The following ABCC1 variants were observed in gnomAD, a reference collection of about 807,000 sequenced individuals.
ABCC1 encodes ATP binding cassette subfamily C member 1 (ABCC1 blood group), also known as multidrug resistance-associated protein 1.
In ABCC1, 83 loss-of-function variants were observed where a neutral mutation model predicts 172.9. The ratio of observed to expected loss-of-function variants is 0.48; its 90% confidence interval spans 0.40 to 0.58. The LOEUF (loss-of-function observed/expected upper bound fraction) is 0.58. ABCC1 is among the 20% of genes least tolerant of loss of function. The pLI is 0.00. For missense variants in ABCC1, 1,817 were observed against 2,002.7 expected (o/e 0.91, Z 1.77); for synonymous variants, 937 against 825.2 (o/e 1.14, Z -2.32).
intron 12 of ABCC1, among the ~76,000 whole-genome samples, chr16:16,063,638 CTT>C (rs1273775937): frequency 6.6e-6 from 1 of 152,072 alleles, no homozygotes; most frequent in Non-Finnish European, 1.5e-5. Context: ...TAGAAAAAGA[CTT>C]TTAAGCATGA....
At chr16:16,089,880 CAAAA>C (rs5815856) in intron 18 of ABCC1, among the ~76,000 whole-genome samples, 2 of 104,324 alleles carry the variant, frequency 1.9e-5, no homozygotes, top group Non-Finnish European at 2.1e-5. Context: ...AACTCTGTCT[CAAAA>C]AAAAAAAAAA....
At chr16:16,112,440 C>T (rs543715520) in intron 22 of ABCC1, among the ~76,000 whole-genome samples, 2 of 151,902 alleles carry the variant, frequency 1.3e-5, no homozygotes, top group East Asian at 3.9e-4. Flanking sequence ...AATGCAGCAG[C>T]GTTGATATTA....
chr16:16,076,175 G>T, intron 14 of ABCC1, 151 bp from the exon 15 acceptor site: 1 of 718,448 alleles, frequency 1.4e-6, no homozygotes, highest in Admixed American at 3.2e-5. Context: ...TCTTCTTTCA[G>T]AACCCGTGGC....
rs756498834 is a variant in ABCC1 at position 16,076,335 on chromosome 16, C to T, written c.1922C>T (p.Thr641Met). 35 of 1,612,212 alleles carry T rather than the reference C, an allele frequency of 2.2e-5. No homozygotes were observed. Among genetic ancestry groups the T allele is most frequent in the East Asian group, 1.1e-4 (5 of 44,786 alleles). The change falls in exon 15 of 31, where the codon ACG becomes ATG. Residue 641 changes from threonine (T) to methionine (M), a missense_variant. Physicochemically the swap from Thr to Met is moderately conservative, Grantham distance 81. Around this residue, in one of 3 missense-constraint regions of ABCC1, gnomAD observed 1,412 missense variants for 1,600.3 expected, o/e 0.88. Transcript: ENST00000399410. ...ERRPVKDGGG[T>M]NSITVRNATF... ...TCTCTGTGCTTTGTAGGCGGGGGCACGAACAGCATCACCGTGAGGAATGCC... is the reference window on the plus strand; with the variant it reads ...TCTCTGTGCTTTGTAGGCGGGGGCATGAACAGCATCACCGTGAGGAATGCC...
chr16:15,971,463 T>C (rs1054461654), intron 1 of ABCC1, among the ~76,000 whole-genome samples: 1 of 152,214 alleles, frequency 6.6e-6, no homozygotes, highest in Non-Finnish European at 1.5e-5. Flanking sequence ...CAAGAAACTT[T>C]TCCGGAGTTG....
chr16:15,983,960 C>T (rs73511893), intron 1 of ABCC1, among the ~76,000 whole-genome samples: 3,687 of 152,262 alleles, frequency 0.024, 152 homozygotes, highest in African/African-American at 0.084. Flanking sequence ...CAAAAGTAAC[C>T]TGGGCCTTTT....
chr16:16,039,219 G>A (rs2048872600), intron 7 of ABCC1, among the ~76,000 whole-genome samples: 1 of 137,330 alleles, frequency 7.3e-6, no homozygotes, highest in Non-Finnish European at 1.5e-5. Flanking sequence ...TTGTGTGTGT[G>A]TGTGTGTGTG....
At chr16:16,047,211 A>T (rs912092858) in intron 9 of ABCC1, among the ~76,000 whole-genome samples, 2 of 151,970 alleles carry the variant, frequency 1.3e-5, no homozygotes, top group African/African-American at 4.8e-5. Flanking sequence ...AAACAAAAAA[A>T]CTTCCTGACA....
chr16:16,006,361 G>A (rs2047530617), intron 1 of ABCC1, among the ~76,000 whole-genome samples: 1 of 151,726 alleles, frequency 6.6e-6, no homozygotes, highest in Non-Finnish European at 1.5e-5. Context: ...CAAGGCACAG[G>A]AAGCTGTGAT....
At chr16:15,983,506 G>C (rs1350102760) in intron 1 of ABCC1, among the ~76,000 whole-genome samples, 2 of 151,208 alleles carry the variant, frequency 1.3e-5, no homozygotes, top group Non-Finnish European at 2.9e-5. Flanking sequence ...TTTATTAGGT[G>C]TGGAATGAAC....
intron 7 of ABCC1, among the ~76,000 whole-genome samples, chr16:16,042,087 G>A (rs2048997142): frequency 6.6e-6 from 1 of 151,938 alleles, no homozygotes; most frequent in Non-Finnish European, 1.5e-5. Flanking sequence ...TTTGTGTATG[G>A]CCACTCAGAG....
chr16:16,051,957 G>T (rs2151902105), intron 10 of ABCC1, among the ~76,000 whole-genome samples: 1 of 150,548 alleles, frequency 6.6e-6, no homozygotes, highest in Middle Eastern at 3.4e-3. Context: ...TAAGCTGGGT[G>T]TGATGGCTCG....
rs932810222 is a variant in ABCC1 at position 16,111,282 on chromosome 16, G to C, written c.2872-93G>C. ...AGGAGCAAAGGCAGGCAGCTGGGTG[G>C]CACAGTGCTGGTGAAGCCCCCGACC... On this transcript the variant is annotated intron_variant, in intron 21 of 30. Transcript: ENST00000399410. The C allele has an allele frequency of 1.1e-5, 11 of 994,810 alleles. No individual in the cohort carries two copies. In the African/African-American group the frequency reaches 1.8e-4, roughly 16 times the overall value. The allele number at this position is 994,810 out of a possible 1,614,324, so 61.6% of individuals were successfully genotyped here. A position where few individuals can be genotyped will look rare whatever the true frequency, so the allele number is the denominator to read the frequency against.
At chr16:15,977,876 A>T (rs45475695) in intron 1 of ABCC1, among the ~76,000 whole-genome samples, 3,738 of 152,286 alleles carry the variant, frequency 0.025, 58 homozygotes, top group Middle Eastern at 0.031. Context: ...ATCCATATTA[A>T]GGAGGCATTA....
At chr16:15,973,354 C>A (rs190343836) in intron 1 of ABCC1, among the ~76,000 whole-genome samples, 114 of 152,066 alleles carry the variant, frequency 7.5e-4, no homozygotes, top group Admixed American at 1.7e-3. Flanking sequence ...TTGGCTGTCA[C>A]GATGGGGCAG....
intron 23 of ABCC1, among the ~76,000 whole-genome samples, chr16:16,118,509 C>A (rs1007560696): frequency 3.4e-5 from 5 of 147,474 alleles, no homozygotes; most frequent in Non-Finnish European, 7.4e-5. Context: ...CTGAAAGACC[C>A]AAAAAGAACA....
chr16:16,027,474 TC>T (rs908557529), intron 5 of ABCC1, among the ~76,000 whole-genome samples: 19 of 151,982 alleles, frequency 1.3e-4, no homozygotes, highest in African/African-American at 3.9e-4. Context: ...TGGGGTTTTT[TC>T]CCCCCCAAAC....
Position 16,097,752 on chromosome 16 carries a change from C to A in ABCC1, c.2645-4875C>A, listed in dbSNP as rs539886930. On this transcript the variant is annotated intron_variant, in intron 19 of 30. Transcript: ENST00000399410. Reference sequence around the variant, plus strand: ...TACACTTGTCAGTCTGCCCATCTGTCTGTCGGGTGTGTACAGAGTGCCTGC... The same window carrying A: ...TACACTTGTCAGTCTGCCCATCTGTATGTCGGGTGTGTACAGAGTGCCTGC... Among the ~76,000 whole-genome samples, 11 of 152,342 alleles carry A rather than the reference C, an allele frequency of 7.2e-5. No individual in the cohort carries two copies. In the East Asian group the frequency reaches 2.1e-3, roughly 29 times the overall value.
At chr16:16,055,766 T>G (rs757302158) in intron 11 of ABCC1, among the ~76,000 whole-genome samples, 1 of 151,316 alleles carries the variant, frequency 6.6e-6, no homozygotes, top group Non-Finnish European at 1.5e-5. Flanking sequence ...GCGGGGTCCT[T>G]TGGTGTGGTC....
Sources: allele counts gnomAD v4.1 joint callset (sites outside exome capture counted in the v4.1 genomes callset), GRCh38; gene constraint gnomAD v4.1.1; regional missense constraint gnomAD v4.1.1; transcripts MANE v1.5; gene names NCBI Gene and HGNC (gene_info 2026-07-23, HGNC 2026-07-21).